POMT1: variants seen among roughly 807,000 people sequenced by gnomAD.
POMT1 encodes the protein protein O-mannosyltransferase 1, also known as protein O-mannosyl-transferase 1.
Under a neutral mutation model 101.6 loss-of-function variants are expected in POMT1, and 85 were observed. The observed-to-expected ratio is 0.84, with a 90% CI of 0.70 to 1.00. The LOEUF is 1.00. Ranked by LOEUF, POMT1 falls within the 50% of genes least tolerant of loss-of-function variation. POMT1 has a pLI of 0.00. For missense variants in POMT1, 857 were observed against 930.4 expected, an observed-to-expected ratio of 0.92 and a Z score of 1.03; for synonymous variants, 371 against 383.0, an observed-to-expected ratio of 0.97 and a Z score of 0.37.
In POMT1 at chr9:131,504,294, G is replaced by A; in HGVS notation, c.76G>A (p.Gly26Arg). Residue 26 changes from glycine (G) to arginine (R), a missense_variant, in exon 2 of 20, where the codon GGG (glycine) becomes AGG (arginine). Transcript: ENST00000402686. ...GAGCCTTGTGGCCCTGACTGGGATG[G>A]GGTTACTGAGCCGGCTGTGGCGACT... ...NLSLVALTGMGLLSRLWRLTY... is the reference protein window; with the variant it reads ...NLSLVALTGMRLLSRLWRLTY... The A allele has an allele frequency of 6.2e-7, 1 of 1,614,194 alleles. No homozygotes were observed. Among genetic ancestry groups the A allele is most frequent in the East Asian group, 2.2e-5 (1 of 44,886 alleles).
chr9:131,515,682 C>G (rs1332488915), intron 13 of POMT1, among the ~76,000 whole-genome samples, 160 bp downstream of exon 13: 1 of 151,022 alleles, frequency 6.6e-6, no homozygotes, highest in Non-Finnish European at 1.5e-5. Context: ...CTTCCTCTAA[C>G]ACAGGACACT....
chr9:131,504,357 C>T lies in POMT1; in HGVS notation c.122+17C>T. On this transcript the variant is annotated intron_variant, in intron 2 of 19. Transcript: ENST00000402686. ...GGCTGTGGTGTAAGCTAAATGACTCCATTCCCAGGGTGAATCTAGAATTGT... is the reference window on the plus strand; with the variant it reads ...GGCTGTGGTGTAAGCTAAATGACTCTATTCCCAGGGTGAATCTAGAATTGT... 1 of 1,614,188 alleles carries T rather than the reference C, an allele frequency of 6.2e-7. No homozygotes were observed. The highest frequency in any genetic ancestry group is 8.5e-7 in the Non-Finnish European group (1 of 1,180,020).
intron 5 of POMT1, among the ~76,000 whole-genome samples, chr9:131,508,347 A>T (rs186339218): frequency 2.7e-4 from 41 of 152,262 alleles, no homozygotes; most frequent in African/African-American, 9.9e-4. Context: ...CCGGGCCAAC[A>T]TGGTGAAACC....
At chr9:131,517,626 T>A (rs1160384084) in intron 13 of POMT1, among the ~76,000 whole-genome samples, 1 of 152,090 alleles carries the variant, frequency 6.6e-6, no homozygotes, top group Non-Finnish European at 1.5e-5. Context: ...CCACTCGCCG[T>A]CTCTGTGCTC....
In POMT1 at chr9:131,503,015, C is replaced by A. The variant is rs1042095844; in HGVS notation, c.-89C>A. On this transcript the variant is annotated 5_prime_UTR_variant, in exon 1 of 20. Transcript: ENST00000402686. The surrounding 1 kb of genome is among the most constrained non-coding windows in gnomAD (Gnocchi z 4.4). The stretch of plus-strand genomic sequence containing the variant: ...ACCCCCAACCGTCGGCCCAGTCGGA[C>A]GGTTCCGAGGCGTTGCCGGGAGCCG... The A allele has an allele frequency of 3.9e-5, 6 of 152,406 alleles. No individual in the cohort carries two copies. Among genetic ancestry groups the A allele is most frequent in the African/African-American group, 1.4e-4 (6 of 41,584 alleles). The allele number at this position is 152,406 out of a possible 1,614,324, so 9.4% of individuals were successfully genotyped here.
intron 10 of POMT1, 147 bp from the exon 11 acceptor site, chr9:131,511,894 A>G: frequency 2.6e-6 from 2 of 772,564 alleles, no homozygotes; most frequent in South Asian, 3.0e-5. Context: ...TCTCATAAAT[A>G]GACACAGGGT....
At chr9:131,508,401 C>T (rs1312489949) in intron 5 of POMT1, among the ~76,000 whole-genome samples, 1 of 150,916 alleles carries the variant, frequency 6.6e-6, no homozygotes. Context: ...CATGGTGGCA[C>T]CCACCTTTTG....
intron 12 of POMT1, among the ~76,000 whole-genome samples, chr9:131,514,764 G>A (rs1162327888): frequency 2.6e-5 from 4 of 152,116 alleles, no homozygotes; most frequent in African/African-American, 9.7e-5. Flanking sequence ...GAGACAAGCT[G>A]GGCCAACATG....
rs972891066 is a variant in POMT1 at position 131,519,724 on chromosome 9, C to T, written c.1584+238C>T. ...GGACCCAGGAGGTTCTGCAACATCG[C>T]CAGGGTGTCTTAAGGCCCCCAGGCA... On this transcript the variant is annotated intron_variant, in intron 16 of 19. Coordinates refer to ENST00000402686, the MANE Select transcript of POMT1 (RefSeq NM_001077365.2). This position sits in a 1 kb window ranked among gnomAD's most constrained non-coding sequence, Gnocchi z 4.3. Among the ~76,000 whole-genome samples, 2 of 152,152 alleles carry T rather than the reference C, an allele frequency of 1.3e-5. No individual in the cohort carries two copies. Among genetic ancestry groups the T allele is most frequent in the Non-Finnish European group, 2.9e-5 (2 of 68,028 alleles).
intron 2 of POMT1, among the ~76,000 whole-genome samples, chr9:131,505,079 T>C (rs1415264604): frequency 3.4e-5 from 1 of 29,098 alleles, no homozygotes; most frequent in Non-Finnish European, 1.6e-4. Context: ...CCCTGCTGCA[T>C]GTTCTTTTTT....
In POMT1 at chr9:131,519,990, A is replaced by G; in HGVS notation, c.1585-90A>G. ...ACTTGAGCTGGGCCAGTCCACGTGC[A>G]AGGGGCAGCAGTGTACTCCTTTGAC... On this transcript the variant is annotated intron_variant, in intron 16 of 19. Transcript: ENST00000402686. The surrounding 1 kb of genome is among the most constrained non-coding windows in gnomAD (Gnocchi z 4.3). 1 of 965,724 alleles carries G rather than the reference A, an allele frequency of 1.0e-6. No individual in the cohort carries two copies. The highest frequency in any genetic ancestry group is 1.6e-6 in the Non-Finnish European group (1 of 612,580). 59.8% of individuals were successfully genotyped at this position (965,724 alleles called of 1,614,324 possible).
In POMT1 at chr9:131,513,237, A is replaced by G; in HGVS notation, c.1083-2A>G. The G allele has an allele frequency of 1.2e-6, 2 of 1,612,640 alleles. No homozygotes were observed. Among genetic ancestry groups the G allele is most frequent in the East Asian group, 2.2e-5 (1 of 44,860 alleles). ...TGGTCCCGACAGCACTGTGTCTTCC[A>G]GGCACCAGCTGGTGGTGAGCAGCCC... On this transcript the variant is annotated splice_acceptor_variant, in intron 11 of 19. Transcript: ENST00000402686. LOFTEE classifies it high-confidence loss of function.
intron 13 of POMT1, among the ~76,000 whole-genome samples, chr9:131,515,771 T>A (rs150097082): frequency 0.033 from 543 of 16,690 alleles, 208 homozygotes; most frequent in South Asian, 0.077. Context: ...TCCTCTAACA[T>A]GGAGCACTTC....
rs1345305107 is a variant in POMT1, at chr9:131,519,070, A to G, written c.1486+113A>G. On this transcript the variant is annotated intron_variant, in intron 15 of 19. Transcript: ENST00000402686. The surrounding 1 kb of genome is among the most constrained non-coding windows in gnomAD (Gnocchi z 4.3). Reference sequence around the variant, plus strand: ...GGGAAGGGAACTGAGCACATTCTCCATGCTCGGTGGCAGGTCATCTCCCTC... The same window carrying G: ...GGGAAGGGAACTGAGCACATTCTCCGTGCTCGGTGGCAGGTCATCTCCCTC... The G allele has an allele frequency of 6.6e-7, 1 of 1,511,794 alleles. No individual in the cohort carries two copies. The highest frequency in any genetic ancestry group is 1.9e-5 in the Admixed American group (1 of 53,448). 93.6% of individuals were successfully genotyped at this position (1,511,794 alleles called of 1,614,324 possible). A position where few individuals can be genotyped will look rare whatever the true frequency, so the allele number is the denominator to read the frequency against.
At position 131,522,982 on chromosome 9, in the gene POMT1, C is replaced by G; in HGVS notation, c.2054C>G (p.Ser685Cys). 1.9e-6 allele frequency: 3 copies of G among 1,604,876 alleles called. No individual in the cohort carries two copies. Among genetic ancestry groups the G allele is most frequent in the Non-Finnish European group, 2.5e-6 (3 of 1,177,298 alleles). ...IFSALVVAWY[S>C]SACHVSNTLR... ...AGCGCCCTGGTGGTGGCCTGGTACTCCTCCGCGTGCCACGTGTCCAACACG... is the reference window on the plus strand; with the variant it reads ...AGCGCCCTGGTGGTGGCCTGGTACTGCTCCGCGTGCCACGTGTCCAACACG... Residue 685 changes from serine (S) to cysteine (C), a missense_variant, in exon 20 of 20, where the codon TCC becomes TGC. By Grantham distance (112) the Ser-to-Cys change is moderately radical (BLOSUM62 -1). Coordinates refer to ENST00000402686, the MANE Select transcript of POMT1 (RefSeq NM_001077365.2). The surrounding 1 kb of genome is among the most constrained non-coding windows in gnomAD (Gnocchi z 5.5).
intron 12 of POMT1, among the ~76,000 whole-genome samples, chr9:131,514,955 T>C (rs1031171845): frequency 2.0e-5 from 3 of 152,052 alleles, no homozygotes; most frequent in Admixed American, 2.0e-4. Flanking sequence ...AGACTCCATC[T>C]CAAAACAAAA....
intron 5 of POMT1, among the ~76,000 whole-genome samples, 165 bp from the exon 6 acceptor site, chr9:131,508,746 T>C (rs189660274): frequency 1.3e-5 from 2 of 152,314 alleles, no homozygotes; most frequent in African/African-American, 4.8e-5. Context: ...GTGTATTGGG[T>C]GATGACTGTA....
rs759324504 is a variant in POMT1 at position 131,512,043 on chromosome 9, A to G, written c.989A>G (p.Tyr330Cys). ...ATCTCTTTGTTGACTTCACACAGATATGAGAACGGCCGAGGCAGCTCCCAC... is the reference window on the plus strand; with the variant it reads ...ATCTCTTTGTTGACTTCACACAGATGTGAGAACGGCCGAGGCAGCTCCCAC... ...HSHQDTYPMI[Y>C]ENGRGSSHQQ... Residue 330 changes from tyrosine to cysteine, a missense_variant and splice_region_variant, in exon 11 of 20, where the codon TAT becomes TGT. Physicochemically the swap from Tyr to Cys is radical, Grantham distance 194. Coordinates refer to ENST00000402686, the MANE Select transcript of POMT1 (RefSeq NM_001077365.2). 6.2e-7 allele frequency: 1 copy of G among 1,614,068 alleles called. No homozygotes were observed. The highest frequency in any genetic ancestry group is 8.5e-7 in the Non-Finnish European group (1 of 1,179,998).
At chr9:131,513,149 C>A in intron 11 of POMT1, 90 bp from the exon 12 acceptor site, 1 of 1,108,034 alleles carries the variant, frequency 9.0e-7, no homozygotes, top group Non-Finnish European at 1.4e-6. Flanking sequence ...CAGTCTCAGC[C>A]ATGAGAATTC....
Sources: gnomAD v4.1 joint callset for allele counts (sites outside exome capture counted in the v4.1 genomes callset) on GRCh38, gnomAD v4.1.1 for gene constraint, Gnocchi (gnomAD v3.1) non-coding constraint, MANE v1.5 for transcripts, NCBI Gene and HGNC (gene_info 2026-07-23, HGNC 2026-07-21) for gene names.